PLA2G4A: variants seen among roughly 807,000 people sequenced by gnomAD.
The protein encoded by PLA2G4A is cytosolic phospholipase A2.
PLA2G4A carries 40 observed loss-of-function variants against 81.9 expected under a neutral mutation model. That is an observed-to-expected ratio of 0.49 (90% confidence interval 0.38 to 0.64). The LOEUF is 0.64. PLA2G4A is among the 30% of genes least tolerant of loss of function. PLA2G4A has a pLI of 0.00. For synonymous variants in PLA2G4A, 302 were observed against 296.9 expected, an observed-to-expected ratio of 1.02 and a Z score of -0.18; for missense variants, 715 against 905.1, an observed-to-expected ratio of 0.79 and a Z score of 2.69.
rs555818153 is a variant in PLA2G4A at position 186,851,561 on chromosome 1, G to A, written c.-69-2725G>A. The stretch of plus-strand genomic sequence containing the variant: ...GAATTTAGTTGGCACGAAAACATCA[G>A]CCATACTAGTAGAAAGTCATTGCTG... On this transcript the variant is annotated intron_variant, in intron 1 of 17. Coordinates refer to ENST00000367466, the MANE Select transcript of PLA2G4A (RefSeq NM_024420.3). Among the ~76,000 whole-genome samples, 8 of 152,082 alleles carry A rather than the reference G, an allele frequency of 5.3e-5. No homozygotes were observed. In the East Asian group the frequency reaches 1.2e-3, roughly 22 times the overall value.
intron 13 of PLA2G4A, among the ~76,000 whole-genome samples, chr1:186,952,755 C>G (rs1406763242): frequency 8.8e-6 from 1 of 113,198 alleles, no homozygotes; most frequent in Non-Finnish European, 1.6e-5. Flanking sequence ...TCATTTTACT[C>G]TCTCCATAGT....
At chr1:186,837,736 C>CAAAA (rs750655561) in intron 1 of PLA2G4A, among the ~76,000 whole-genome samples, 1,529 of 55,086 alleles carry the variant, frequency 0.028, 228 homozygotes, top group African/African-American at 0.11. Context: ...GACTCCGTCT[C>CAAAA]AAAAAAAAAA....
Position 186,956,208 on chromosome 1 carries a change from C to T in PLA2G4A, c.1443C>T (p.Thr481=), listed in dbSNP as rs1421076742. The change falls in exon 14 of 18, where the codon ACC becomes ACT. Residue 481 remains threonine, a synonymous_variant. Coordinates refer to ENST00000367466, the MANE Select transcript of PLA2G4A (RefSeq NM_024420.3). ...TGAGTGATTCAGCTTTATTCAATAC[C>T]AGAGAAGGACGTGCTGGGAAGGTAC... The part of the protein sequence containing the change: ...ALVSDSALFN[T]REGRAGKVHN... 2 of 1,613,884 alleles carry T rather than the reference C, an allele frequency of 1.2e-6. No individual in the cohort carries two copies. The highest frequency in any genetic ancestry group is 4.5e-5 in the East Asian group (2 of 44,858).
At chr1:186,969,338 G>A (rs12568962) in intron 15 of PLA2G4A, among the ~76,000 whole-genome samples, 3 of 151,388 alleles carry the variant, frequency 2.0e-5, no homozygotes, top group Non-Finnish European at 4.4e-5. Context: ...ACAATCATAT[G>A]TGGAAAGATC....
intron 13 of PLA2G4A, among the ~76,000 whole-genome samples, chr1:186,952,370 C>T (rs146104172): frequency 1.3e-5 from 2 of 152,154 alleles, no homozygotes; most frequent in South Asian, 2.1e-4. Context: ...GTTTTCTTTT[C>T]GGCTCTTAGT....
At chr1:186,836,774 T>A (rs1199726873) in intron 1 of PLA2G4A, among the ~76,000 whole-genome samples, 1 of 152,182 alleles carries the variant, frequency 6.6e-6, no homozygotes, top group Admixed American at 6.5e-5. Context: ...CCTGGGTGAA[T>A]AAAGCAGGTA....
intron 7 of PLA2G4A, among the ~76,000 whole-genome samples, chr1:186,917,787 T>C (rs1464764167): frequency 6.6e-6 from 1 of 152,260 alleles, no homozygotes; most frequent in Non-Finnish European, 1.5e-5. Flanking sequence ...TTGGCATTTC[T>C]GTGAAATCCA....
At chr1:186,957,972 T>G (rs1656812936) in intron 14 of PLA2G4A, among the ~76,000 whole-genome samples, 1 of 152,218 alleles carries the variant, frequency 6.6e-6, no homozygotes, top group Non-Finnish European at 1.5e-5. Context: ...TCCAAAAAAT[T>G]TTTCTACTGC....
At position 186,864,328 on chromosome 1, in the gene PLA2G4A, G is replaced by C. The variant is rs77536960; in HGVS notation, c.34-6107G>C. Among the ~76,000 whole-genome samples the C allele has an allele frequency of 5.7e-3, 869 of 152,094 alleles. 3 individuals carry two copies. The highest frequency in any genetic ancestry group is 0.019 in the African/African-American group (805 of 41,494). On this transcript the variant is annotated intron_variant, in intron 2 of 17. Transcript: ENST00000367466. ...TAGATATATGCCCAATAGTAGGATT[G>C]CTGGACCATATGGTAGTACCATTTT...
chr1:186,836,500 T>C (rs1651782619), intron 1 of PLA2G4A, among the ~76,000 whole-genome samples: 1 of 152,148 alleles, frequency 6.6e-6, no homozygotes, highest in Admixed American at 6.6e-5. Context: ...TTAATACATA[T>C]AGTATACTTA....
chr1:186,975,971 C>T (rs1226381519), intron 15 of PLA2G4A, among the ~76,000 whole-genome samples: 2 of 152,180 alleles, frequency 1.3e-5, no homozygotes, highest in African/African-American at 4.8e-5. Flanking sequence ...TCAAGGACAG[C>T]CTATCTCTTA....
intron 1 of PLA2G4A, among the ~76,000 whole-genome samples, chr1:186,843,286 A>G (rs566679953): frequency 6.6e-6 from 1 of 152,230 alleles, no homozygotes; most frequent in Non-Finnish European, 1.5e-5. Flanking sequence ...AAGTGTTCAT[A>G]TTAGCAACTG....
chr1:186,910,030 T>A (rs1338054460), intron 6 of PLA2G4A, among the ~76,000 whole-genome samples: 6 of 152,156 alleles, frequency 3.9e-5, no homozygotes, highest in Admixed American at 3.9e-4. Context: ...TATTTTAATA[T>A]CAATTATTTT....
At chr1:186,904,341 C>T (rs899325187) in intron 5 of PLA2G4A, among the ~76,000 whole-genome samples, 1 of 152,200 alleles carries the variant, frequency 6.6e-6, no homozygotes, top group Non-Finnish European at 1.5e-5. Context: ...CCTAATAATA[C>T]AAGCAGCATG....
At chr1:186,983,818 T>C (rs890069154) in intron 17 of PLA2G4A, among the ~76,000 whole-genome samples, 1 of 152,194 alleles carries the variant, frequency 6.6e-6, no homozygotes, top group African/African-American at 2.4e-5. Flanking sequence ...AAATCCTTGC[T>C]CTGCGGCCTC....
chr1:186,871,240 T>C (rs1037563087), intron 3 of PLA2G4A, among the ~76,000 whole-genome samples: 3 of 152,172 alleles, frequency 2.0e-5, no homozygotes, highest in African/African-American at 7.2e-5. Context: ...AGTATCTTTC[T>C]CCATGTTTTT....
rs775112799 is a variant in PLA2G4A at position 186,956,327 on chromosome 1, T to C, written c.1562T>C (p.Leu521Pro). 20 of 1,613,556 alleles carry C rather than the reference T, an allele frequency of 1.2e-5. No homozygotes were observed. Among genetic ancestry groups the C allele is most frequent in the Non-Finnish European group, 1.7e-5 (20 of 1,179,590 alleles). ...CAGGACTCCTTTGATGATGATGAAC[T>C]GGATGCAGCTGTAGCAGGTAAGTGT... ...ATQDSFDDDELDAAVADPDEF... is the reference protein window; with the variant it reads ...ATQDSFDDDEPDAAVADPDEF... The change falls in exon 14 of 18, where the codon CTG (leucine) becomes CCG (proline). Residue 521 changes from leucine (L) to proline (P), a missense_variant. By Grantham distance (98) the Leu-to-Pro change is moderately conservative. Transcript: ENST00000367466.
In PLA2G4A at chr1:186,830,608, CAAA is replaced by C. The variant is rs55745208; in HGVS notation, c.-70+1595_-70+1597del. ...GAGCGAAAACAGCGAAGCTCTGTCT[CAAA>C]AAAAAAAAAAAAAAAAAAAAAGTAA... On this transcript the variant is annotated intron_variant, in intron 1 of 17. Coordinates refer to ENST00000367466, the MANE Select transcript of PLA2G4A (RefSeq NM_024420.3). 3.6e-4 allele frequency among the ~76,000 whole-genome samples: 26 copies of C among 72,692 alleles called. 1 individual carries two copies. The highest frequency in any genetic ancestry group is 3.6e-3 in the East Asian group (9 of 2,522). The allele number at this position is 72,692 out of a possible 152,430, so 47.7% of individuals were successfully genotyped here.
At chr1:186,871,651 G>C (rs2102061566) in intron 3 of PLA2G4A, among the ~76,000 whole-genome samples, 1 of 152,236 alleles carries the variant, frequency 6.6e-6, no homozygotes, top group South Asian at 2.1e-4. Flanking sequence ...CTAGAGAATA[G>C]ATAACGGAGG....
Sources: allele counts gnomAD v4.1 joint callset (sites outside exome capture counted in the v4.1 genomes callset), GRCh38; gene constraint gnomAD v4.1.1; transcripts MANE v1.5; gene names NCBI Gene and HGNC (gene_info 2026-07-23, HGNC 2026-07-21).